Variants in LARP4B observed in about 807,000 individuals in gnomAD.
The protein encoded by LARP4B is la-related protein 4B.
A neutral mutation model predicts 89.8 loss-of-function variants in LARP4B; 12 were observed. The ratio of observed to expected loss-of-function variants is 0.13; its 90% CI spans 0.09 to 0.22. The LOEUF (loss-of-function observed/expected upper bound fraction) is 0.22. Among genes scored for constraint, LARP4B ranks in the 10% least tolerant of loss-of-function variants. LARP4B has a pLI of 1.00. For synonymous variants in LARP4B, 367 were observed against 363.3 expected (o/e 1.01, Z -0.12); for missense variants, 757 against 947.7 (o/e 0.80, Z 2.64).
At chr10:833,281 AAAAC>A (rs1833018677) in intron 8 of LARP4B, among the ~76,000 whole-genome samples, 3 of 146,974 alleles carry the variant, frequency 2.0e-5, no homozygotes, top group Non-Finnish European at 3.0e-5. Context: ...AAAAAAAAAA[AAAAC>A]CTCAAAATGT....
chr10:856,603 G>T (rs905013878), intron 5 of LARP4B, among the ~76,000 whole-genome samples: 1 of 152,194 alleles, frequency 6.6e-6, no homozygotes, highest in South Asian at 2.1e-4. Context: ...TGGAGGCTCA[G>T]GGTGGCCAAG....
the LARP4B span, among the ~76,000 whole-genome samples, chr10:954,369 A>T: frequency 6.6e-6 from 1 of 152,256 alleles, no homozygotes; most frequent in African/African-American, 2.4e-5. The surrounding 1 kb of genome is among the most constrained non-coding windows in gnomAD (Gnocchi z 5.0). Flanking sequence ...GCGGACGAAA[A>T]GGGGGCTCTA....
intron 3 of LARP4B, among the ~76,000 whole-genome samples, chr10:873,876 T>C (rs371076998): frequency 1.1e-4 from 17 of 152,168 alleles, no homozygotes; most frequent in African/African-American, 3.6e-4. Context: ...ATATAGTAAA[T>C]ATATACACAC....
intron 5 of LARP4B, among the ~76,000 whole-genome samples, chr10:863,099 T>C (rs1308936070): frequency 1.3e-5 from 2 of 152,188 alleles, no homozygotes; most frequent in African/African-American, 2.4e-5. Context: ...CAATTGCCCC[T>C]ACCTACAATA....
chr10:969,502 G>A, the LARP4B span, among the ~76,000 whole-genome samples: 3 of 152,114 alleles, frequency 2.0e-5, no homozygotes, highest in Non-Finnish European at 4.4e-5. Context: ...GGCAGAGGTG[G>A]ATAGATTACT....
chr10:928,153 C>G (rs562486018), intron 1 of LARP4B, among the ~76,000 whole-genome samples: 2 of 150,478 alleles, frequency 1.3e-5, no homozygotes, highest in East Asian at 3.9e-4. Context: ...ACCCGAGAGG[C>G]GGAGGATGCA....
At chr10:809,273 A>T (rs1461099140), downstream of LARP4B, 1 of 152,272 alleles carries the variant, frequency 6.6e-6, no homozygotes, top group East Asian at 1.9e-4. Flanking sequence ...ATACAGGAAC[A>T]TGTATTTTTG....
chr10:856,275 T>G (rs572659384), intron 5 of LARP4B, among the ~76,000 whole-genome samples: 7 of 151,994 alleles, frequency 4.6e-5, no homozygotes, highest in Non-Finnish European at 1.0e-4. Context: ...CAAAAGTGAG[T>G]AATAAAACAA....
chr10:864,919 C>CT (rs1834820962), intron 3 of LARP4B, among the ~76,000 whole-genome samples: 1 of 152,056 alleles, frequency 6.6e-6, no homozygotes, highest in Admixed American at 6.6e-5. Context: ...CACCACTGCA[C>CT]CCAACCTGGG....
rs945610343 is a variant in LARP4B, at chr10:814,452, T to C, written c.1929+290A>G. 2 of 476,304 alleles carry C rather than the reference T, an allele frequency of 4.2e-6. No individual in the cohort carries two copies. The highest frequency in any genetic ancestry group is 4.0e-5 in the African/African-American group (2 of 50,354). The allele number at this position is 476,304 out of a possible 1,614,324, so 29.5% of individuals were successfully genotyped here. On this transcript the variant is annotated intron_variant, in intron 17 of 17. Coordinates refer to ENST00000316157, the MANE Select transcript of LARP4B (RefSeq NM_015155.3). The surrounding 1 kb of genome is among the most constrained non-coding windows in gnomAD (Gnocchi z 4.4). ...GCGAAATGCTGAAATGATCCTAAAG[T>C]CTATGGAGAAACAGGAGCTGGGGTC...
chr10:841,979 A>G (rs917905227), intron 7 of LARP4B, among the ~76,000 whole-genome samples: 7 of 146,910 alleles, frequency 4.8e-5, no homozygotes, highest in Non-Finnish European at 1.1e-4. Flanking sequence ...TTCATACAAG[A>G]AAAAAAAAAA....
intron 1 of LARP4B, among the ~76,000 whole-genome samples, chr10:914,303 TA>T (rs1836756529): frequency 6.6e-6 from 1 of 152,108 alleles, no homozygotes; most frequent in South Asian, 2.1e-4. Flanking sequence ...TTAAAAGATG[TA>T]AGGAAAGTTG....
At chr10:924,509 T>TTA (rs59502232) in intron 1 of LARP4B, 8,303 of 152,338 alleles carry the variant, frequency 0.055, 309 homozygotes, top group Non-Finnish European at 0.086. Flanking sequence ...GGTCTTAGGA[T>TTA]AAAGGGCAAA....
intron 3 of LARP4B, among the ~76,000 whole-genome samples, chr10:884,106 G>A (rs1835780546): frequency 6.6e-6 from 1 of 152,052 alleles, no homozygotes; most frequent in African/African-American, 2.4e-5. Context: ...GTGGTTTAAG[G>A]AACACAAGCT....
At chr10:821,229 T>C (rs903252086) in intron 13 of LARP4B, among the ~76,000 whole-genome samples, 2 of 152,168 alleles carry the variant, frequency 1.3e-5, no homozygotes, top group Admixed American at 6.5e-5. Context: ...GTGGTGAGAA[T>C]TTTCCCGGCG....
In LARP4B at chr10:825,206, C is replaced by T. The variant is rs145294175; in HGVS notation, c.1343G>A (p.Gly448Asp). ...TTGCCTTGTTTGTGGACTCCGGACACCATTAATTAATCGATCTGCAGTGAA... is the reference window on the plus strand; with the variant it reads ...TTGCCTTGTTTGTGGACTCCGGACATCATTAATTAATCGATCTGCAGTGAA... ...FNFTADRLIN[G>D]VRSPQTRQAG... The change falls in exon 13 of 18, where the codon GGT becomes GAT. Residue 448 changes from glycine to aspartate, a missense_variant. By Grantham distance (94) the Gly-to-Asp change is moderately conservative (BLOSUM62 -1). Coordinates refer to ENST00000316157, the MANE Select transcript of LARP4B (RefSeq NM_015155.3). 9.2e-5 allele frequency: 148 copies of T among 1,614,016 alleles called. No individual in the cohort carries two copies. The highest frequency in any genetic ancestry group is 1.1e-4 in the Non-Finnish European group (135 of 1,180,036).
chr10:877,111 AC>A (rs1248153044), intron 3 of LARP4B, among the ~76,000 whole-genome samples: 1 of 151,802 alleles, frequency 6.6e-6, no homozygotes, highest in Non-Finnish European at 1.5e-5. Context: ...ATCTACCAAA[AC>A]CCTTCTGCCC....
intron 1 of LARP4B, among the ~76,000 whole-genome samples, chr10:924,837 G>A (rs985778256): frequency 2.6e-5 from 4 of 152,336 alleles, no homozygotes; most frequent in African/African-American, 9.6e-5. Context: ...AACTCCAAGA[G>A]ATGGCAATCT....
rs12263455 is a variant in LARP4B at position 838,659 on chromosome 10, G to A, written c.647-2153C>T. On this transcript the variant is annotated intron_variant, in intron 7 of 17. Coordinates refer to ENST00000316157, the MANE Select transcript of LARP4B (RefSeq NM_015155.3). ...GCAAGAGGAACTCCCATTCACTGCCGATGGGAATGCAAAGTGGTACATCCA... is the reference window on the plus strand; with the variant it reads ...GCAAGAGGAACTCCCATTCACTGCCAATGGGAATGCAAAGTGGTACATCCA... 6.4e-3 allele frequency among the ~76,000 whole-genome samples: 973 copies of A among 152,284 alleles called. 16 individuals are homozygous for A. Among genetic ancestry groups the A allele is most frequent in the African/African-American group, 0.022 (914 of 41,546 alleles).
Sources: allele counts gnomAD v4.1 joint callset (sites outside exome capture counted in the v4.1 genomes callset), GRCh38; gene constraint gnomAD v4.1.1; non-coding constraint Gnocchi (gnomAD v3.1); transcripts MANE v1.5; gene names NCBI Gene and HGNC (gene_info 2026-07-23, HGNC 2026-07-21).